ALX1: variants seen among roughly 807,000 people sequenced by gnomAD.
ALX1 encodes the protein ALX homeobox 1, also known as ALX homeobox protein 1.
ALX1 carries 19 observed loss-of-function variants against 31.7 expected under a neutral mutation model. The observed-to-expected ratio is 0.60, with a 90% CI of 0.42 to 0.88. ALX1 has a LOEUF of 0.88. Ranked by LOEUF, ALX1 falls within the 40% of genes least tolerant of loss-of-function variation. ALX1 has a pLI of 0.00. For synonymous variants in ALX1, 153 were observed against 148.8 expected, an observed-to-expected ratio of 1.03 and a Z score of -0.20; for missense variants, 415 against 407.8, an observed-to-expected ratio of 1.02 and a Z score of -0.15.
chr12:85,294,182 A>G (rs1896855325), intron 3 of ALX1, among the ~76,000 whole-genome samples: 1 of 151,152 alleles, frequency 6.6e-6, no homozygotes, highest in African/African-American at 2.4e-5. Context: ...ATTCTAAGCT[A>G]TTTATGCATA....
chr12:85,289,149 T>C lies in ALX1; in HGVS notation c.660+2168T>C, dbSNP rs372812124. Among the ~76,000 whole-genome samples, 10 of 151,418 alleles carry C rather than the reference T, an allele frequency of 6.6e-5. No homozygotes were observed. In the East Asian group the frequency reaches 1.7e-3, roughly 26 times the overall value. On this transcript the variant is annotated intron_variant, in intron 3 of 3. Coordinates refer to ENST00000316824, the MANE Select transcript of ALX1 (RefSeq NM_006982.3). ...TTTCTGTCCCTGTACGTTGGTTGTT[T>C]TATATTTGACTCTTCTTGCTTCTTT...
chr12:85,292,172 T>C (rs1593050985), intron 3 of ALX1, among the ~76,000 whole-genome samples: 1 of 151,060 alleles, frequency 6.6e-6, no homozygotes, highest in Non-Finnish European at 1.5e-5. Context: ...TCTTATGTTG[T>C]AGCGTTTTAA....
intron 3 of ALX1, among the ~76,000 whole-genome samples, chr12:85,287,337 G>C (rs551692681): frequency 1.3e-5 from 2 of 151,690 alleles, no homozygotes; most frequent in East Asian, 3.9e-4. Flanking sequence ...TGTAAATAGA[G>C]TGTTGCTTAG....
At chr12:85,293,564 T>C (rs1419912781) in intron 3 of ALX1, among the ~76,000 whole-genome samples, 1 of 150,660 alleles carries the variant, frequency 6.6e-6, no homozygotes, top group Non-Finnish European at 1.5e-5. Context: ...ATTAGGCCTG[T>C]TCTTTTGAAA....
intron 3 of ALX1, among the ~76,000 whole-genome samples, chr12:85,294,639 G>A (rs1015594902): frequency 6.6e-6 from 1 of 151,184 alleles, no homozygotes; most frequent in East Asian, 1.9e-4. Context: ...ATGATGTTAT[G>A]CTGAAAATTT....
intron 2 of ALX1, 25 bp from the exon 3 acceptor site, chr12:85,286,828 A>G (rs1565941149): frequency 1.3e-6 from 2 of 1,544,082 alleles, no homozygotes; most frequent in Non-Finnish European, 1.8e-6. Context: ...CTTAGCTAAA[A>G]TTCTAATTTT....
At chr12:85,284,002 AT>A in intron 2 of ALX1, 126 bp downstream of exon 2, 1 of 1,014,272 alleles carries the variant, frequency 9.9e-7, no homozygotes, top group Non-Finnish European at 1.5e-6. Context: ...AAACGGAGTA[AT>A]ATATATGAAT....
At chr12:85,292,439 C>G (rs2137386635) in intron 3 of ALX1, among the ~76,000 whole-genome samples, 1 of 151,134 alleles carries the variant, frequency 6.6e-6, no homozygotes, top group Admixed American at 6.6e-5. Flanking sequence ...ATCTCTAAAT[C>G]TATGCTTACC....
At chr12:85,280,561 G>A in intron 1 of ALX1, 74 bp downstream of exon 1, 1 of 1,499,294 alleles carries the variant, frequency 6.7e-7, no homozygotes, top group Non-Finnish European at 9.1e-7. Context: ...GTCTGATCAG[G>A]CAGGGAGGGA....
intron 3 of ALX1, among the ~76,000 whole-genome samples, chr12:85,288,438 A>C (rs1896777042): frequency 6.6e-6 from 1 of 151,528 alleles, no homozygotes; most frequent in Admixed American, 6.6e-5. Context: ...AGGGCTAGTC[A>C]AATTTTGTTT....
Position 85,283,759 on chromosome 12 carries a change from C to A in ALX1, c.414C>A (p.Thr138=), listed in dbSNP as rs369486956. The A allele has an allele frequency of 6.2e-7, 1 of 1,614,100 alleles. No homozygotes were observed. Among genetic ancestry groups the A allele is most frequent in the Admixed American group, 1.7e-5 (1 of 60,002 alleles). Residue 138 remains threonine, a synonymous_variant, in exon 2 of 4, where the codon ACC becomes ACA. Transcript: ENST00000316824. ...GTAAGAAACGGAGGCACCGAACCAC[C>A]TTCACCAGTTTGCAGCTAGAGGAGC... ...SSSKKRRHRT[T]FTSLQLEELE...
At chr12:85,287,072 G>A in intron 3 of ALX1, 91 bp downstream of exon 3, 1 of 1,400,894 alleles carries the variant, frequency 7.1e-7, no homozygotes, top group Non-Finnish European at 9.9e-7. Flanking sequence ...TTATATGTAA[G>A]ATAATAGCCA....
intron 1 of ALX1, among the ~76,000 whole-genome samples, chr12:85,281,220 TA>T (rs1247928078): frequency 2.6e-5 from 4 of 152,218 alleles, no homozygotes; most frequent in Non-Finnish European, 5.9e-5. Context: ...GACTTCACAT[TA>T]AAAGTCACCT....
At chr12:85,297,829 A>G (rs1896909754) in intron 3 of ALX1, among the ~76,000 whole-genome samples, 1 of 151,724 alleles carries the variant, frequency 6.6e-6, no homozygotes, top group African/African-American at 2.4e-5. Context: ...AGGTAAATGC[A>G]GTTAGCAAGG....
intron 3 of ALX1, among the ~76,000 whole-genome samples, chr12:85,289,426 C>T (rs191254343): frequency 3.2e-4 from 48 of 151,154 alleles, no homozygotes; most frequent in African/African-American, 8.2e-4. Context: ...GATGGAGGAA[C>T]GGACATGGTA....
Position 85,301,414 on chromosome 12 carries a change from G to T in ALX1, c.920G>T (p.Ser307Ile). The T allele has an allele frequency of 6.2e-7, 1 of 1,614,054 alleles. No individual in the cohort carries two copies. Residue 307 changes from serine to isoleucine, a missense_variant, in exon 4 of 4, where the codon AGT (serine) becomes ATT (isoleucine). Coordinates refer to ENST00000316824, the MANE Select transcript of ALX1 (RefSeq NM_006982.3). ...TKPEFERRSS[S>I]IAVLRMKAKE... ...CCAGAGTTTGAAAGGAGGTCTTCCA[G>T]TATCGCAGTTCTTCGAATGAAAGCC...
intron 3 of ALX1, among the ~76,000 whole-genome samples, chr12:85,288,269 A>G (rs1458958494): frequency 6.6e-6 from 1 of 151,476 alleles, no homozygotes; most frequent in Non-Finnish European, 1.5e-5. Flanking sequence ...ATGGCTTGCT[A>G]GAAGACTATT....
intron 2 of ALX1, among the ~76,000 whole-genome samples, chr12:85,285,452 T>C (rs952294630): frequency 6.6e-6 from 1 of 152,036 alleles, no homozygotes; most frequent in Non-Finnish European, 1.5e-5. Flanking sequence ...ATTTGATTTG[T>C]TTTTTGTTGT....
At chr12:85,289,656 G>A (rs559386316) in intron 3 of ALX1, among the ~76,000 whole-genome samples, 1 of 151,304 alleles carries the variant, frequency 6.6e-6, no homozygotes, top group South Asian at 2.1e-4. Context: ...GAAGTCCATA[G>A]TACTTTCTTG....
Sources: gnomAD v4.1 joint callset for allele counts (sites outside exome capture counted in the v4.1 genomes callset) on GRCh38, gnomAD v4.1.1 for gene constraint, MANE v1.5 for transcripts, NCBI Gene and HGNC (gene_info 2026-07-23, HGNC 2026-07-21) for gene names.